Variants in RIN2 observed in about 807,000 individuals in gnomAD.
RIN2 encodes Ras and Rab interactor 2.
Under a neutral mutation model 78.0 loss-of-function variants are expected in RIN2, and 36 were observed. The ratio of observed to expected loss-of-function variants is 0.46; its 90% CI spans 0.35 to 0.61. RIN2 has a LOEUF of 0.61. Among genes scored for constraint, RIN2 ranks in the 20% least tolerant of loss-of-function variants. RIN2 has a pLI of 0.00. For synonymous variants in RIN2, 466 were observed against 466.8 expected, an observed-to-expected ratio of 1.00 and a Z score of 0.02; for missense variants, 1,087 against 1,159.7, an observed-to-expected ratio of 0.94 and a Z score of 0.91.
chr20:19,956,023 G>T (rs911842368), intron 4 of RIN2, among the ~76,000 whole-genome samples: 6 of 152,026 alleles, frequency 3.9e-5, no homozygotes, highest in African/African-American at 7.2e-5. Context: ...TTGGAATGCC[G>T]AGGTAGGCGG....
intron 4 of RIN2, among the ~76,000 whole-genome samples, chr20:19,944,234 G>C (rs189909): frequency 0.013 from 2,044 of 152,026 alleles, 51 homozygotes; most frequent in African/African-American, 0.047. Flanking sequence ...ATTATTTTCT[G>C]TCTCTCTACA....
chr20:19,897,522 G>T (rs1379279157), intron 3 of RIN2, among the ~76,000 whole-genome samples: 1 of 152,090 alleles, frequency 6.6e-6, no homozygotes, highest in African/African-American at 2.4e-5. Flanking sequence ...GGGAAACTGA[G>T]GCCCAGTTTA....
intron 4 of RIN2, among the ~76,000 whole-genome samples, chr20:19,953,290 C>T (rs547154699): frequency 5.4e-4 from 82 of 152,122 alleles, no homozygotes; most frequent in African/African-American, 1.9e-3. Context: ...TGCCACCATG[C>T]CCAGCTAATT....
intron 3 of RIN2, among the ~76,000 whole-genome samples, chr20:19,933,348 T>C (rs1273062006): frequency 1.3e-5 from 2 of 152,182 alleles, no homozygotes; most frequent in Non-Finnish European, 2.9e-5. Flanking sequence ...TTTCTCTCCA[T>C]GTGGAGGGCT....
At chr20:19,966,325 C>CTT (rs11471521) in intron 7 of RIN2, among the ~76,000 whole-genome samples, 2,834 of 144,224 alleles carry the variant, frequency 0.02, 44 homozygotes, top group Middle Eastern at 0.036. Context: ...GCACTACGCA[C>CTT]TTTTTTTTTT....
At chr20:19,889,835 T>C (rs2038364438) in intron 3 of RIN2, among the ~76,000 whole-genome samples, 177 bp downstream of exon 3, 1 of 152,170 alleles carries the variant, frequency 6.6e-6, no homozygotes, top group East Asian at 1.9e-4. Flanking sequence ...TTGCGGGGTC[T>C]GTGATTTAGT....
chr20:19,866,075 T>C (rs2037497053), intron 2 of RIN2, among the ~76,000 whole-genome samples: 1 of 152,052 alleles, frequency 6.6e-6, no homozygotes, highest in Non-Finnish European at 1.5e-5. Context: ...GTAGAATCAG[T>C]GGGTGCCCTG....
At position 19,919,678 on chromosome 20, in the gene RIN2, C is replaced by T. The variant is rs139120043; in HGVS notation, c.58-15421C>T. On this transcript the variant is annotated intron_variant, in intron 3 of 12. Coordinates refer to ENST00000255006, the MANE Select transcript of RIN2 (RefSeq NM_018993.4). Reference sequence around the variant, plus strand: ...AAAATTAGCCAGGCGTGGTGGCATACACCTGTAATCCTAGCTACTTGGGAG... The same window carrying T: ...AAAATTAGCCAGGCGTGGTGGCATATACCTGTAATCCTAGCTACTTGGGAG... Among the ~76,000 whole-genome samples, 1,275 of 152,060 alleles carry T rather than the reference C, an allele frequency of 8.4e-3. 26 individuals carry two copies. Among genetic ancestry groups the T allele is most frequent in the African/African-American group, 0.029 (1,204 of 41,450 alleles).
chr20:19,788,318 G>A (rs144814259), intron 1 of RIN2, among the ~76,000 whole-genome samples: 1,731 of 151,946 alleles, frequency 0.011, 35 homozygotes, highest in African/African-American at 0.04. Context: ...GAATTGGCCA[G>A]GTGCATTGCC....
At chr20:19,818,678 G>C (rs1009173772) in intron 2 of RIN2, among the ~76,000 whole-genome samples, 5 of 147,984 alleles carry the variant, frequency 3.4e-5, no homozygotes, top group African/African-American at 1.0e-4. Context: ...GTTGCAGTAA[G>C]CCGAGATGGC....
At chr20:19,808,792 T>C (rs2035495253) in intron 2 of RIN2, among the ~76,000 whole-genome samples, 1 of 152,226 alleles carries the variant, frequency 6.6e-6, no homozygotes, top group African/African-American at 2.4e-5. Context: ...TAGTGATGTA[T>C]AGAATCCTGG....
chr20:19,952,826 G>A (rs1042813307), intron 4 of RIN2, among the ~76,000 whole-genome samples: 2 of 152,158 alleles, frequency 1.3e-5, no homozygotes, highest in African/African-American at 4.8e-5. Context: ...TAGTGGCATG[G>A]TACCCATCCC....
intron 7 of RIN2, among the ~76,000 whole-genome samples, chr20:19,968,170 T>C (rs1485604067): frequency 6.6e-6 from 1 of 152,164 alleles, no homozygotes; most frequent in Non-Finnish European, 1.5e-5. Flanking sequence ...ATCCACAGAA[T>C]GGGGGCATCA....
At chr20:19,873,734 C>T (rs1186553257) in intron 2 of RIN2, among the ~76,000 whole-genome samples, 1 of 152,140 alleles carries the variant, frequency 6.6e-6, no homozygotes, top group African/African-American at 2.4e-5. Context: ...CTCCATAGAA[C>T]CGAATTTGCA....
In RIN2 at chr20:19,989,053, A is replaced by G. The variant is rs1370747120; in HGVS notation, c.1763-953A>G. Among the ~76,000 whole-genome samples the G allele has an allele frequency of 2.0e-5, 3 of 152,138 alleles. No homozygotes were observed. In the South Asian group the frequency reaches 6.2e-4, roughly 31 times the overall value. ...CCTTTACCCCTAAATACTTCAATGC[A>G]TATTTCCTAAAAACAAGGCTATTCT... On this transcript the variant is annotated intron_variant, in intron 9 of 12. Transcript: ENST00000255006.
At chr20:19,879,772 T>C (rs751473771) in intron 2 of RIN2, among the ~76,000 whole-genome samples, 9 of 151,854 alleles carry the variant, frequency 5.9e-5, no homozygotes, top group Non-Finnish European at 1.3e-4. Context: ...TGTGCAAAAA[T>C]GAAAGGGCTG....
intron 2 of RIN2, among the ~76,000 whole-genome samples, chr20:19,803,886 G>T (rs1032704785): frequency 6.6e-6 from 1 of 152,162 alleles, no homozygotes; most frequent in African/African-American, 2.4e-5. Flanking sequence ...GCAGTGGTTT[G>T]TAGTTCTCCT....
intron 1 of RIN2, among the ~76,000 whole-genome samples, chr20:19,790,041 C>T (rs569381762): frequency 1.4e-3 from 211 of 152,240 alleles, no homozygotes; most frequent in Non-Finnish European, 2.5e-3. Context: ...AATTTTATCA[C>T]GTTTTTATCA....
rs569914196 is a variant in RIN2 at position 19,824,810 on chromosome 20, G to A, written c.-37+25063G>A. Among the ~76,000 whole-genome samples the A allele has an allele frequency of 2.0e-5, 3 of 152,242 alleles. No homozygotes were observed. In the South Asian group the frequency reaches 6.2e-4, roughly 32 times the overall value. The stretch of plus-strand genomic sequence containing the variant: ...AGTTACAGAAACTCGGTTAGGTCCC[G>A]CCGATGATCATTTCCATGTGGAGAG... On this transcript the variant is annotated intron_variant, in intron 2 of 12. Transcript: ENST00000255006.
Sources: allele counts gnomAD v4.1 joint callset (sites outside exome capture counted in the v4.1 genomes callset), GRCh38; gene constraint gnomAD v4.1.1; transcripts MANE v1.5; gene names NCBI Gene and HGNC (gene_info 2026-07-23, HGNC 2026-07-21).